Variants in ZNF212 observed in about 807,000 individuals in gnomAD.
ZNF212 encodes zinc finger protein 212, also known as Zinc finger protein C2H2-150.
In ZNF212, 32 loss-of-function variants were observed where a neutral mutation model predicts 47.3. That is an observed-to-expected ratio of 0.68 (90% CI 0.51 to 0.91). The LOEUF is 0.91. ZNF212 is among the 40% of genes least tolerant of loss of function. ZNF212 has a pLI of 0.00. For missense variants in ZNF212, 555 were observed against 622.8 expected (o/e 0.89, Z 1.16); for synonymous variants, 242 against 253.8 (o/e 0.95, Z 0.44).
chr7:149,252,647 TC>T (rs1563189492), intron 3 of ZNF212, 58 bp from the exon 4 acceptor site: 8 of 1,510,262 alleles, frequency 5.3e-6, no homozygotes, highest in Admixed American at 1.7e-5. Flanking sequence ...TGGCAGCTGA[TC>T]AGTGTGCAGT....
intron 1 of ZNF212, among the ~76,000 whole-genome samples, chr7:149,244,352 G>A (rs1796644740): frequency 6.6e-6 from 1 of 151,790 alleles, no homozygotes; most frequent in Non-Finnish European, 1.5e-5. Context: ...TCTCTCTGTT[G>A]CCCAGACTGG....
At chr7:149,249,217 A>G (rs770289456) in intron 1 of ZNF212, among the ~76,000 whole-genome samples, 2 of 152,244 alleles carry the variant, frequency 1.3e-5, no homozygotes, top group East Asian at 1.9e-4. Context: ...GGAAAATGTC[A>G]GTAGACTTAG....
At chr7:149,239,951 C>A in intron 1 of ZNF212, 149 bp downstream of exon 1, 1 of 903,132 alleles carries the variant, frequency 1.1e-6, no homozygotes, top group Non-Finnish European at 1.5e-6. Flanking sequence ...CTCCTCTTCG[C>A]GACCCCAGTG....
rs140725635 is a variant in ZNF212, at chr7:149,250,419, C to G, written c.285C>G (p.Ala95=). The part of the protein sequence containing the change: ...EFGNQLEGKW[A]VLGTLLQEYG... ...GGAACCAGCTGGAGGGCAAGTGGGC[C>G]GTGCTGGGGACCCTGCTGCAGGAGT... The change falls in exon 2 of 5, where the codon GCC becomes GCG. Residue 95 remains alanine, a synonymous_variant. Transcript: ENST00000335870. The G allele has an allele frequency of 7.5e-5, 121 of 1,614,004 alleles. No individual in the cohort carries two copies. The highest frequency in any genetic ancestry group is 9.5e-5 in the Non-Finnish European group (112 of 1,180,026).
In ZNF212 at chr7:149,254,449, G is replaced by C; in HGVS notation, c.*34G>C. 1.9e-6 allele frequency: 3 copies of C among 1,552,920 alleles called. No individual in the cohort carries two copies. The highest frequency in any genetic ancestry group is 1.7e-6 in the Non-Finnish European group (2 of 1,159,010). ...CCCCTCGCCCGTCTGGGGGATGGAG[G>C]GGGGTGGCATTGGTTCCCCCGAAGA... On this transcript the variant is annotated 3_prime_UTR_variant, in exon 5 of 5. Coordinates refer to ENST00000335870, the MANE Select transcript of ZNF212 (RefSeq NM_012256.4). This position sits in a 1 kb window ranked among gnomAD's most constrained non-coding sequence, Gnocchi z 4.5.
chr7:149,251,821 T>TGGTA lies in ZNF212; in HGVS notation c.542-884_542-883insGTAG, dbSNP rs1342300337. Among the ~76,000 whole-genome samples the TGGTA allele has an allele frequency of 2.6e-5, 4 of 151,756 alleles. No homozygotes were observed. In the East Asian group the frequency reaches 7.8e-4, roughly 30 times the overall value. ...GCTGTTTTTAATATTTAAGACTATTTGAGATGGGTGTGGTAGCTCACATCT... is the reference window on the plus strand; with the variant it reads ...GCTGTTTTTAATATTTAAGACTATTTGGTAGAGATGGGTGTGGTAGCTCACATCT... On this transcript the variant is annotated intron_variant, in intron 3 of 4. Transcript: ENST00000335870.
intron 3 of ZNF212, 94 bp from the exon 4 acceptor site, chr7:149,252,612 C>A: frequency 9.3e-7 from 1 of 1,080,754 alleles, no homozygotes; most frequent in Non-Finnish European, 1.4e-6. Flanking sequence ...TATATTTCCT[C>A]CCTGCCATTG....
At chr7:149,241,246 A>G (rs1266228449) in intron 1 of ZNF212, among the ~76,000 whole-genome samples, 1 of 152,156 alleles carries the variant, frequency 6.6e-6, no homozygotes, top group African/African-American at 2.4e-5. Context: ...AGTCTGGCCA[A>G]TGTGGTGAAA....
At chr7:149,241,392 A>G (rs923760693) in intron 1 of ZNF212, among the ~76,000 whole-genome samples, 2 of 135,732 alleles carry the variant, frequency 1.5e-5, no homozygotes, top group African/African-American at 2.8e-5. Context: ...AGATCGTGCT[A>G]TTGCACTCCA....
At chr7:149,253,381 T>G (rs1017778018) in intron 4 of ZNF212, among the ~76,000 whole-genome samples, 178 bp from the exon 5 acceptor site, 6 of 152,224 alleles carry the variant, frequency 3.9e-5, no homozygotes, top group African/African-American at 1.4e-4. Flanking sequence ...TTGGAAAAAC[T>G]GTACATGAAT....
rs1796813886 is a variant in ZNF212 at position 149,254,846 on chromosome 7, G to T, written c.*431G>T. 2 of 166,766 alleles carry T rather than the reference G, an allele frequency of 1.2e-5. No individual in the cohort carries two copies. Among genetic ancestry groups the T allele is most frequent in the African/African-American group, 2.4e-5 (1 of 41,998 alleles). The allele number at this position is 166,766 out of a possible 1,614,324, so 10.3% of individuals were successfully genotyped here. On this transcript the variant is annotated 3_prime_UTR_variant, in exon 5 of 5. Coordinates refer to ENST00000335870, the MANE Select transcript of ZNF212 (RefSeq NM_012256.4). This position sits in a 1 kb window ranked among gnomAD's most constrained non-coding sequence, Gnocchi z 4.5. ...TTTTTTCTTGTTTTATAATCTCTTTGTTTAATAATAAGTAGAAGAAATAAT... is the reference window on the plus strand; with the variant it reads ...TTTTTTCTTGTTTTATAATCTCTTTTTTTAATAATAAGTAGAAGAAATAAT...
At position 149,252,771 on chromosome 7, in the gene ZNF212, G is replaced by A; in HGVS notation, c.607G>A (p.Glu203Lys). The part of the protein sequence containing the change: ...GTEMLGDLEE[E>K]GPGGAHPAGG... ...AGAGATGCTGGGTGACTTGGAAGAG[G>A]AAGGTCCTGGTGGTGCCCACCCAGG... is the stretch of plus-strand genomic sequence containing the variant. The change falls in exon 4 of 5, where the codon GAA becomes AAA. Residue 203 changes from glutamate (E) to lysine (K), a missense_variant. Transcript: ENST00000335870. 1.2e-6 allele frequency: 2 copies of A among 1,614,080 alleles called. No individual in the cohort carries two copies. The highest frequency in any genetic ancestry group is 2.7e-5 in the African/African-American group (2 of 75,040).
chr7:149,254,220 C>T lies in ZNF212; in HGVS notation c.1293C>T (p.Tyr431=). 6.2e-7 allele frequency: 1 copy of T among 1,614,266 alleles called. No individual in the cohort carries two copies. ...RKSRSSLICG[Y]CGKSFSHPSD... ...GCCGGAGTTCCCTCATCTGTGGTTA[C>T]TGTGGCAAGAGCTTCAGTCACCCAT... Residue 431 remains tyrosine, a synonymous_variant, in exon 5 of 5, where the codon TAC becomes TAT. Transcript: ENST00000335870. The surrounding 1 kb of genome is among the most constrained non-coding windows in gnomAD (Gnocchi z 4.5).
At chr7:149,251,267 C>A (rs1332133685) in intron 3 of ZNF212, 1 of 177,964 alleles carries the variant, frequency 5.6e-6, no homozygotes, top group South Asian at 9.6e-5. Flanking sequence ...TCACTGCAAC[C>A]TCTGCCTCAC....
chr7:149,251,644 C>T (rs749426956), intron 3 of ZNF212, among the ~76,000 whole-genome samples: 22 of 151,814 alleles, frequency 1.4e-4, no homozygotes, highest in Admixed American at 3.9e-4. Context: ...CATGCCACTG[C>T]GCCTGGCTAA....
intron 1 of ZNF212, among the ~76,000 whole-genome samples, chr7:149,246,178 G>C (rs141206233): frequency 6.6e-6 from 1 of 152,034 alleles, no homozygotes; most frequent in Non-Finnish European, 1.5e-5. Context: ...TTTAGACTTT[G>C]TTTATGTTAT....
Position 149,255,369 on chromosome 7 carries a change from T to G in ZNF212, c.*954T>G, listed in dbSNP as rs1174441213. The stretch of plus-strand genomic sequence containing the variant: ...AGTGGTTATTTGAGTTTGTTCCTAT[T>G]ACACCAATCCTTACTTGAGGTGGTT... On this transcript the variant is annotated 3_prime_UTR_variant, in exon 5 of 5. Coordinates refer to ENST00000335870, the MANE Select transcript of ZNF212 (RefSeq NM_012256.4). The G allele has an allele frequency of 6.5e-6, 1 of 153,756 alleles. No homozygotes were observed. The highest frequency in any genetic ancestry group is 2.4e-5 in the African/African-American group (1 of 41,436). The allele number at this position is 153,756 out of a possible 1,614,324, so 9.5% of individuals were successfully genotyped here.
chr7:149,239,841 G>A, intron 1 of ZNF212, 39 bp downstream of exon 1: 1 of 1,265,582 alleles, frequency 7.9e-7, no homozygotes, highest in Non-Finnish European at 1.0e-6. Flanking sequence ...GGGCGCGTTG[G>A]GGATGGCGGA....
intron 1 of ZNF212, among the ~76,000 whole-genome samples, chr7:149,246,479 T>C (rs1185165765): frequency 6.6e-6 from 1 of 151,668 alleles, no homozygotes; most frequent in East Asian, 1.9e-4. Flanking sequence ...GCCTGCTGGG[T>C]TCACACCATT....
Sources: gnomAD v4.1 joint callset for allele counts (sites outside exome capture counted in the v4.1 genomes callset) on GRCh38, gnomAD v4.1.1 for gene constraint, Gnocchi (gnomAD v3.1) non-coding constraint, MANE v1.5 for transcripts, NCBI Gene and HGNC (gene_info 2026-07-23, HGNC 2026-07-21) for gene names.